Variants in XKR9 observed in about 807,000 individuals in gnomAD.
XKR9 encodes the protein XK related 9.
In XKR9, 32 loss-of-function variants were observed where a neutral mutation model predicts 32.0. The observed-to-expected ratio is 1.00, with a 90% CI of 0.76 to 1.34. XKR9 has a LOEUF of 1.34. Ranked by LOEUF, XKR9 falls within the 40% of genes most tolerant of loss-of-function variation. The probability of loss-of-function intolerance (pLI) is 0.00; values close to 1 mark genes in which losing one functional copy is unlikely to be tolerated. For missense variants in XKR9, 546 were observed against 429.7 expected, an observed-to-expected ratio of 1.27 and a Z score of -2.39; for synonymous variants, 168 against 143.4, an observed-to-expected ratio of 1.17 and a Z score of -1.22.
chr8:70,675,930 CA>C (rs1214857094), intron 2 of XKR9, among the ~76,000 whole-genome samples: 5 of 152,172 alleles, frequency 3.3e-5, no homozygotes, highest in African/African-American at 1.2e-4. Context: ...TTCATGTTTT[CA>C]GGTATCTTTA....
the XKR9 span, among the ~76,000 whole-genome samples, chr8:70,797,616 T>C: frequency 2.6e-5 from 4 of 151,720 alleles, no homozygotes; most frequent in African/African-American, 7.3e-5. Flanking sequence ...GTGTGTGAAA[T>C]AGGTAGATTT....
chr8:70,807,101 G>T, the XKR9 span, among the ~76,000 whole-genome samples: 1 of 151,994 alleles, frequency 6.6e-6, no homozygotes, highest in Admixed American at 6.6e-5. Flanking sequence ...AAGAGATTGG[G>T]GGCCAATACT....
At chr8:70,810,297 A>T in the XKR9 span, among the ~76,000 whole-genome samples, 1 of 152,228 alleles carries the variant, frequency 6.6e-6, no homozygotes, top group Non-Finnish European at 1.5e-5. Flanking sequence ...GAAGCACTAA[A>T]CATGGAAAGG....
the XKR9 span, among the ~76,000 whole-genome samples, chr8:70,850,545 A>G: frequency 2.6e-5 from 4 of 151,930 alleles, no homozygotes; most frequent in Non-Finnish European, 5.9e-5. Context: ...TCAATGAAAA[A>G]CTGGCAAACC....
the XKR9 span, among the ~76,000 whole-genome samples, chr8:70,860,415 T>C: frequency 2.0e-5 from 3 of 152,158 alleles, no homozygotes; most frequent in Admixed American, 6.6e-5. Flanking sequence ...CACCCTTATC[T>C]CAGACTTCCA....
At chr8:70,716,854 C>A (rs1172893823) in intron 4 of XKR9, among the ~76,000 whole-genome samples, 3 of 152,178 alleles carry the variant, frequency 2.0e-5, no homozygotes, top group African/African-American at 4.8e-5. Context: ...CAAGTCCCTT[C>A]CACCTATGAT....
intron 4 of XKR9, among the ~76,000 whole-genome samples, chr8:70,724,185 G>C (rs1201750399): frequency 6.6e-6 from 1 of 152,112 alleles, no homozygotes; most frequent in Non-Finnish European, 1.5e-5. Context: ...AACACTGTCA[G>C]GGGAAAGCCG....
At chr8:70,982,879 A>G in the XKR9 span, among the ~76,000 whole-genome samples, 6 of 152,174 alleles carry the variant, frequency 3.9e-5, no homozygotes, top group Non-Finnish European at 8.8e-5. Context: ...AACATTTTCT[A>G]AGTGGTATTT....
chr8:71,028,412 T>C, the XKR9 span, among the ~76,000 whole-genome samples: 132 of 152,260 alleles, frequency 8.7e-4, no homozygotes, highest in Middle Eastern at 3.4e-3. Flanking sequence ...CTTACTTATA[T>C]GTGAAATCTA....
the XKR9 span, among the ~76,000 whole-genome samples, chr8:70,933,026 G>C: frequency 2.0e-5 from 3 of 152,106 alleles, no homozygotes; most frequent in Admixed American, 2.0e-4. Flanking sequence ...AAATGGGACA[G>C]GTTTCCGACC....
chr8:70,717,113 G>A (rs1327449841), intron 4 of XKR9, among the ~76,000 whole-genome samples: 1 of 152,202 alleles, frequency 6.6e-6, no homozygotes, highest in African/African-American at 2.4e-5. Flanking sequence ...CTCTGCCCCT[G>A]TGGCTTTGCA....
chr8:70,939,483 C>T, the XKR9 span, among the ~76,000 whole-genome samples: 1 of 152,072 alleles, frequency 6.6e-6, no homozygotes, highest in Non-Finnish European at 1.5e-5. Flanking sequence ...CCCACCTAAC[C>T]TGAATCAACG....
chr8:70,755,776 G>T (rs1049772754), intron 2 of XKR9, among the ~76,000 whole-genome samples: 5 of 142,880 alleles, frequency 3.5e-5, no homozygotes, highest in Non-Finnish European at 7.6e-5. Flanking sequence ...GGGGGAGGGG[G>T]GGAGGGTTAG....
Position 70,681,395 on chromosome 8 carries a change from A to G in XKR9, c.272+65A>G, listed in dbSNP as rs190553075. On this transcript the variant is annotated intron_variant, in intron 3 of 4. Transcript: ENST00000408926. ...TTCCAAACAGAAGCTACCATTTTGT[A>G]TCTTATCTGGGTAGTCAAATGTACA... The G allele has an allele frequency of 7.4e-5, 114 of 1,535,862 alleles. No individual in the cohort carries two copies. The Admixed American group carries it at 2.2e-3, about 30-fold the overall frequency.
the XKR9 span, among the ~76,000 whole-genome samples, chr8:70,917,774 A>G: frequency 6.6e-6 from 1 of 152,232 alleles, no homozygotes; most frequent in Non-Finnish European, 1.5e-5. Flanking sequence ...TACCACTTTT[A>G]TAGATTATTA....
At chr8:70,813,023 C>T in the XKR9 span, among the ~76,000 whole-genome samples, 2 of 152,222 alleles carry the variant, frequency 1.3e-5, no homozygotes, top group East Asian at 1.9e-4. Flanking sequence ...GGAGGCATCA[C>T]ACTACCTGAC....
intron 3 of XKR9, among the ~76,000 whole-genome samples, chr8:70,701,108 G>C (rs564542144): frequency 6.6e-6 from 1 of 152,152 alleles, no homozygotes; most frequent in African/African-American, 2.4e-5. Flanking sequence ...CTTTGACTAG[G>C]AAAGGGAACT....
chr8:71,051,401 G>A, the XKR9 span, among the ~76,000 whole-genome samples: 1 of 152,140 alleles, frequency 6.6e-6, no homozygotes, highest in African/African-American at 2.4e-5. Flanking sequence ...TTAGCATTAA[G>A]AGAGGCCTTT....
the XKR9 span, among the ~76,000 whole-genome samples, chr8:70,892,678 G>C: frequency 6.6e-6 from 1 of 152,090 alleles, no homozygotes; most frequent in Non-Finnish European, 1.5e-5. Flanking sequence ...TTCCTGGCCT[G>C]TAAGGTTTCT....
Sources: gnomAD v4.1 joint callset for allele counts (sites outside exome capture counted in the v4.1 genomes callset) on GRCh38, gnomAD v4.1.1 for gene constraint, MANE v1.5 for transcripts, NCBI Gene and HGNC (gene_info 2026-07-23, HGNC 2026-07-21) for gene names.